SLC2A13: variants seen among roughly 807,000 people sequenced by gnomAD.
SLC2A13 encodes the protein proton myo-inositol cotransporter.
SLC2A13 carries 32 observed loss-of-function variants against 64.4 expected under a neutral mutation model. That is an observed-to-expected ratio of 0.50 (90% CI 0.37 to 0.67). SLC2A13 has a LOEUF of 0.67. Among genes scored for constraint, SLC2A13 ranks in the 30% least tolerant of loss-of-function variants. SLC2A13 has a pLI of 0.00. For synonymous variants in SLC2A13, 338 were observed against 327.1 expected (o/e 1.03, Z -0.36); for missense variants, 743 against 829.2 (o/e 0.90, Z 1.28).
At chr12:39,862,438 G>C (rs946362659) in intron 6 of SLC2A13, among the ~76,000 whole-genome samples, 1 of 152,162 alleles carries the variant, frequency 6.6e-6, no homozygotes, top group Admixed American at 6.5e-5. Flanking sequence ...AATGGACATA[G>C]GCACTTAACT....
At chr12:40,055,460 T>A (rs576378748) in intron 1 of SLC2A13, among the ~76,000 whole-genome samples, 6 of 152,212 alleles carry the variant, frequency 3.9e-5, no homozygotes, top group Non-Finnish European at 8.8e-5. Context: ...AGAGCCTGTA[T>A]CACGTTTGTC....
chr12:40,002,782 C>T (rs565050295), intron 3 of SLC2A13, among the ~76,000 whole-genome samples: 52 of 151,172 alleles, frequency 3.4e-4, no homozygotes, highest in Non-Finnish European at 6.9e-4. Context: ...GCTAAGGTTA[C>T]AAAAATGCCT....
At chr12:40,097,420 C>T (rs1326365007) in intron 1 of SLC2A13, among the ~76,000 whole-genome samples, 1 of 152,046 alleles carries the variant, frequency 6.6e-6, no homozygotes, top group Non-Finnish European at 1.5e-5. Context: ...ACACAATAAA[C>T]AGTGAAAAAG....
chr12:40,091,261 T>C (rs1212567847), intron 1 of SLC2A13, among the ~76,000 whole-genome samples: 2 of 152,218 alleles, frequency 1.3e-5, no homozygotes, highest in Non-Finnish European at 2.9e-5. Context: ...AACTTTATGT[T>C]GTGTAAAATA....
In SLC2A13 at chr12:40,001,655, C is replaced by T. The variant is rs538932172; in HGVS notation, c.925+26646G>A. On this transcript the variant is annotated intron_variant, in intron 3 of 9. Coordinates refer to ENST00000280871, the MANE Select transcript of SLC2A13 (RefSeq NM_052885.4). ...GACATCTAAGTCAGCACTCTTTATT[C>T]TTGGGACTTAATGACATTCAAGGCA... Among the ~76,000 whole-genome samples the T allele has an allele frequency of 3.5e-4, 53 of 152,314 alleles. 1 individual carries two copies. In the South Asian group the frequency reaches 8.3e-3, roughly 24 times the overall value.
At chr12:39,810,144 G>A (rs796370817) in intron 7 of SLC2A13, among the ~76,000 whole-genome samples, 14 of 152,148 alleles carry the variant, frequency 9.2e-5, no homozygotes, top group African/African-American at 2.2e-4. Flanking sequence ...GTGAAGAACC[G>A]ACATCTTAAC....
At chr12:39,772,647 A>G (rs1213805718) in intron 7 of SLC2A13, among the ~76,000 whole-genome samples, 1 of 152,226 alleles carries the variant, frequency 6.6e-6, no homozygotes, top group Non-Finnish European at 1.5e-5. Flanking sequence ...GCAGGCAGGT[A>G]GGCAGGCTCC....
chr12:40,066,851 C>T (rs1415136983), intron 1 of SLC2A13, among the ~76,000 whole-genome samples: 2 of 152,110 alleles, frequency 1.3e-5, no homozygotes, highest in Non-Finnish European at 2.9e-5. Flanking sequence ...ACATAACTAT[C>T]AAAAGCTAAA....
intron 4 of SLC2A13, among the ~76,000 whole-genome samples, chr12:39,898,691 T>C (rs1189176022): frequency 1.3e-5 from 2 of 152,140 alleles, no homozygotes; most frequent in Non-Finnish European, 2.9e-5. Context: ...AAACTGCAGA[T>C]TGCAATCTCC....
chr12:40,062,587 A>C (rs140970807), intron 1 of SLC2A13, among the ~76,000 whole-genome samples: 2 of 152,266 alleles, frequency 1.3e-5, no homozygotes, highest in East Asian at 3.9e-4. Flanking sequence ...TCAGCAGAGA[A>C]ATCAATGTCT....
intron 7 of SLC2A13, 25 bp from the exon 8 acceptor site, chr12:39,764,883 T>C: frequency 6.2e-7 from 1 of 1,604,788 alleles, no homozygotes; most frequent in Non-Finnish European, 8.5e-7. Flanking sequence ...AATATAAGTA[T>C]TAACTTAATG....
intron 6 of SLC2A13, among the ~76,000 whole-genome samples, chr12:39,849,808 A>G (rs1454517308): frequency 2.6e-5 from 4 of 152,112 alleles, no homozygotes; most frequent in African/African-American, 9.7e-5. Context: ...TCAAGGTCAT[A>G]AAAATCCTAC....
chr12:39,835,482 A>G (rs1025525140), intron 6 of SLC2A13, among the ~76,000 whole-genome samples: 2 of 152,126 alleles, frequency 1.3e-5, no homozygotes, highest in African/African-American at 4.8e-5. Flanking sequence ...ATATTTACAT[A>G]AGGACTATGC....
At chr12:39,978,641 A>T (rs2136142861) in intron 3 of SLC2A13, among the ~76,000 whole-genome samples, 1 of 152,222 alleles carries the variant, frequency 6.6e-6, no homozygotes, top group South Asian at 2.1e-4. Flanking sequence ...GCACCACGCG[A>T]CAATATCCCA....
intron 3 of SLC2A13, among the ~76,000 whole-genome samples, chr12:39,988,895 A>G (rs1226454736): frequency 6.6e-6 from 1 of 152,030 alleles, no homozygotes; most frequent in Admixed American, 6.6e-5. Context: ...TGTTAACTCT[A>G]TACGTCGCCT....
chr12:39,869,438 T>C (rs1943988611), intron 5 of SLC2A13, among the ~76,000 whole-genome samples: 1 of 152,160 alleles, frequency 6.6e-6, no homozygotes, highest in Admixed American at 6.5e-5. Context: ...TCTCAAACCA[T>C]TGTTATATCC....
rs1246770422 is a variant in SLC2A13 at position 39,816,081 on chromosome 12, T to C, written c.1445+14022A>G. Among the ~76,000 whole-genome samples, 51 of 152,188 alleles carry C rather than the reference T, an allele frequency of 3.4e-4. 1 individual carries two copies. The highest frequency in any genetic ancestry group is 3.3e-3 in the Admixed American group (51 of 15,282). On this transcript the variant is annotated intron_variant, in intron 7 of 9. Transcript: ENST00000280871. The stretch of plus-strand genomic sequence containing the variant: ...TTAAATCGATGAGGCACATAATATG[T>C]TCTGGGCTGATAGTGAGCTGAGGTC...
At chr12:39,932,796 T>C (rs1945851009) in intron 4 of SLC2A13, among the ~76,000 whole-genome samples, 2 of 147,360 alleles carry the variant, frequency 1.4e-5, no homozygotes, top group South Asian at 4.2e-4. Context: ...GCCTCTAAGT[T>C]GAGAACAAAT....
chr12:40,076,491 A>AT (rs1267523010), intron 1 of SLC2A13, among the ~76,000 whole-genome samples: 7 of 151,880 alleles, frequency 4.6e-5, no homozygotes, highest in African/African-American at 1.5e-4. Context: ...ACATGATCTG[A>AT]TTTTTTTTAT....
Sources: gnomAD v4.1 joint callset for allele counts (sites outside exome capture counted in the v4.1 genomes callset) on GRCh38, gnomAD v4.1.1 for gene constraint, MANE v1.5 for transcripts, NCBI Gene and HGNC (gene_info 2026-07-23, HGNC 2026-07-21) for gene names.